The following TCAIM variants were observed in gnomAD, a reference collection of about 807,000 sequenced individuals.
The protein encoded by TCAIM is T-cell activation inhibitor, mitochondrial.
A neutral mutation model predicts 58.6 loss-of-function variants in TCAIM; 36 were observed. That is an observed-to-expected ratio of 0.61 (90% CI 0.47 to 0.81). The LOEUF (loss-of-function observed/expected upper bound fraction) is 0.81. TCAIM is among the 30% of genes least tolerant of loss of function. The probability of loss-of-function intolerance (pLI) is 0.00; values close to 1 mark genes in which losing one functional copy is unlikely to be tolerated. For missense variants in TCAIM, 466 were observed against 579.6 expected (o/e 0.80, Z 2.01); for synonymous variants, 172 against 193.6 (o/e 0.89, Z 0.93).
chr3:44,368,764 G>A (rs781225789), intron 5 of TCAIM, among the ~76,000 whole-genome samples: 11 of 152,152 alleles, frequency 7.2e-5, no homozygotes, highest in Non-Finnish European at 8.8e-5. Context: ...GGCTTATGCC[G>A]ATAATCCCAG....
rs1331295394 is a variant in TCAIM, at chr3:44,370,754, CTT to C, written c.572+3054_572+3055del. Among the ~76,000 whole-genome samples the C allele has an allele frequency of 6.0e-4, 32 of 53,590 alleles. No individual in the cohort carries two copies. The East Asian group carries it at 0.015, about 25-fold the overall frequency. The allele number at this position is 53,590 out of a possible 152,430, so 35.2% of individuals were successfully genotyped here. ...AATTTCTTTCTTTCTTTCTTTCTTTCTTTTTTTTTGAGACAGGGTCTTACTCT... is the reference window on the plus strand; with the variant it reads ...AATTTCTTTCTTTCTTTCTTTCTTTCTTTTTTTGAGACAGGGTCTTACTCT... On this transcript the variant is annotated intron_variant, in intron 5 of 10. Coordinates refer to ENST00000342649, the MANE Select transcript of TCAIM (RefSeq NM_173826.4).
At chr3:44,403,420 C>A (rs145256256) in intron 10 of TCAIM, among the ~76,000 whole-genome samples, 1 of 152,182 alleles carries the variant, frequency 6.6e-6, no homozygotes, top group African/African-American at 2.4e-5. Context: ...GATGACAACT[C>A]GGTAGGCCAG....
At chr3:44,359,107 G>T (rs1433487195) in intron 3 of TCAIM, 6 of 980,442 alleles carry the variant, frequency 6.1e-6, no homozygotes, top group East Asian at 1.1e-4. Flanking sequence ...TCTGTATGCA[G>T]CAGGGCATGG....
intron 1 of TCAIM, chr3:44,340,849 C>A (rs181358953): frequency 6.6e-6 from 1 of 152,248 alleles, no homozygotes; most frequent in African/African-American, 2.4e-5. Flanking sequence ...AGAGTTATTT[C>A]TTTCTCTCCT....
At chr3:44,374,810 C>T (rs751571349) in intron 5 of TCAIM, among the ~76,000 whole-genome samples, 15 of 152,146 alleles carry the variant, frequency 9.9e-5, no homozygotes, top group Non-Finnish European at 1.9e-4. Context: ...GAACTTCAGG[C>T]AGTGAAAATA....
intron 5 of TCAIM, among the ~76,000 whole-genome samples, chr3:44,382,424 G>C (rs1326157822): frequency 6.6e-6 from 1 of 152,146 alleles, no homozygotes; most frequent in Non-Finnish European, 1.5e-5. Context: ...TAATGGAATA[G>C]AATAGAGAAT....
intron 10 of TCAIM, among the ~76,000 whole-genome samples, chr3:44,406,796 C>T (rs1477785787): frequency 6.6e-6 from 1 of 152,108 alleles, no homozygotes; most frequent in East Asian, 1.9e-4. Flanking sequence ...ACATTGAATC[C>T]ACTTATCAAA....
At chr3:44,364,736 A>G (rs1701347605) in intron 4 of TCAIM, among the ~76,000 whole-genome samples, 1 of 148,044 alleles carries the variant, frequency 6.8e-6, no homozygotes. Context: ...ACAGAGTGAG[A>G]CCCTGTCTCA....
rs144989760 is a variant in TCAIM at position 44,383,117 on chromosome 3, G to A, written c.573-9738G>A. On this transcript the variant is annotated intron_variant, in intron 5 of 10. Transcript: ENST00000342649. The stretch of plus-strand genomic sequence containing the variant: ...AGTTGATGAGGGTTTGAAGAAACTG[G>A]AACCCTTATGCACTGTTGGTGGAAA... 4.1e-3 allele frequency among the ~76,000 whole-genome samples: 621 copies of A among 152,246 alleles called. 9 individuals are homozygous for A. The highest frequency in any genetic ancestry group is 0.014 in the African/African-American group (593 of 41,550).
intron 8 of TCAIM, among the ~76,000 whole-genome samples, chr3:44,397,851 T>C (rs1007494481): frequency 1.3e-5 from 2 of 152,206 alleles, no homozygotes; most frequent in African/African-American, 4.8e-5. Flanking sequence ...TCTTCTTTAG[T>C]GAAGCGTCTG....
At chr3:44,343,338 G>A (rs1485440566) in intron 1 of TCAIM, among the ~76,000 whole-genome samples, 1 of 152,028 alleles carries the variant, frequency 6.6e-6, no homozygotes, top group Admixed American at 6.5e-5. Context: ...TACCTACTTT[G>A]ACAGTCACAT....
intron 5 of TCAIM, among the ~76,000 whole-genome samples, chr3:44,368,196 A>T (rs1313089050): frequency 1.3e-5 from 2 of 152,234 alleles, no homozygotes; most frequent in African/African-American, 4.8e-5. Flanking sequence ...AGCTGCTTTA[A>T]AGAGTTACTT....
At chr3:44,391,745 G>A (rs545861610) in intron 5 of TCAIM, among the ~76,000 whole-genome samples, 1 of 152,126 alleles carries the variant, frequency 6.6e-6, no homozygotes, top group Non-Finnish European at 1.5e-5. Context: ...GAGGGACTAG[G>A]TTACAGGGAT....
At chr3:44,375,349 C>T (rs563019817) in intron 5 of TCAIM, among the ~76,000 whole-genome samples, 1 of 151,994 alleles carries the variant, frequency 6.6e-6, no homozygotes, top group Non-Finnish European at 1.5e-5. Context: ...GTAGGGACTT[C>T]AGAAAGCTTC....
chr3:44,344,761 G>T (rs1170501469), intron 1 of TCAIM, among the ~76,000 whole-genome samples: 1 of 152,076 alleles, frequency 6.6e-6, no homozygotes, highest in Non-Finnish European at 1.5e-5. Flanking sequence ...AAAGAGAGCA[G>T]AGGGAGTTAG....
intron 5 of TCAIM, among the ~76,000 whole-genome samples, chr3:44,385,738 T>G (rs1701728925): frequency 6.6e-6 from 1 of 151,038 alleles, no homozygotes; most frequent in Non-Finnish European, 1.5e-5. Context: ...GTGAGACTCC[T>G]TCTCAAAAAC....
intron 5 of TCAIM, among the ~76,000 whole-genome samples, chr3:44,375,742 C>G (rs1489104594): frequency 6.6e-6 from 1 of 152,114 alleles, no homozygotes; most frequent in Non-Finnish European, 1.5e-5. Context: ...GAACTCTCCT[C>G]CATATAAAAT....
intron 1 of TCAIM, among the ~76,000 whole-genome samples, chr3:44,346,326 C>T (rs973052494): frequency 1.1e-4 from 16 of 152,136 alleles, no homozygotes; most frequent in African/African-American, 3.6e-4. Flanking sequence ...GGAATTGTGT[C>T]TGACAGAAGG....
At chr3:44,406,482 TATTCTAA>T (rs1702102682) in intron 10 of TCAIM, among the ~76,000 whole-genome samples, 1 of 3,606 alleles carries the variant, frequency 2.8e-4, no homozygotes, top group Non-Finnish European at 1.2e-3. Flanking sequence ...CTAAGCAGCA[TATTCTAA>T]GTAAGAATAA....
Sources: gnomAD v4.1 joint callset for allele counts (sites outside exome capture counted in the v4.1 genomes callset) on GRCh38, gnomAD v4.1.1 for gene constraint, MANE v1.5 for transcripts, NCBI Gene and HGNC (gene_info 2026-07-23, HGNC 2026-07-21) for gene names.